Variants in NACC2 observed in about 807,000 individuals in gnomAD.
NACC2 encodes nucleus accumbens-associated protein 2.
A neutral mutation model predicts 25.1 loss-of-function variants in NACC2; 8 were observed. The ratio of observed to expected loss-of-function variants is 0.32; its 90% CI spans 0.19 to 0.57. The LOEUF (loss-of-function observed/expected upper bound fraction) is 0.57, where lower values mean the gene tolerates loss of function less well. Among genes scored for constraint, NACC2 ranks in the 20% least tolerant of loss-of-function variants. NACC2 has a pLI of 0.89. For missense variants in NACC2, 644 were observed against 650.2 expected (o/e 0.99, Z 0.10); for synonymous variants, 435 against 294.7 (o/e 1.48, Z -4.88).
intron 2 of NACC2, among the ~76,000 whole-genome samples, chr9:136,029,827 C>T (rs148114627): frequency 6.6e-6 from 1 of 152,292 alleles, no homozygotes; most frequent in Non-Finnish European, 1.5e-5. Flanking sequence ...AGCTTGCTCG[C>T]TCACACACCC....
At chr9:136,057,855 C>T (rs927684982) in intron 1 of NACC2, among the ~76,000 whole-genome samples, 11 of 152,190 alleles carry the variant, frequency 7.2e-5, no homozygotes, top group Non-Finnish European at 1.3e-4. Context: ...TCCCAGGCAC[C>T]GACAGTCAGA....
chr9:136,067,178 C>T (rs140213572), intron 1 of NACC2, among the ~76,000 whole-genome samples: 155 of 151,412 alleles, frequency 1.0e-3, no homozygotes, highest in African/African-American at 3.2e-3. Flanking sequence ...CGCTTGAACC[C>T]GGGAGGCGGA....
At chr9:136,017,149 C>A (rs1840215735) in intron 2 of NACC2, among the ~76,000 whole-genome samples, 2 of 152,186 alleles carry the variant, frequency 1.3e-5, no homozygotes, top group South Asian at 4.1e-4. Flanking sequence ...GGGCAGCCCT[C>A]CTGCTGTCTG....
chr9:136,043,189 G>A (rs924850920), intron 2 of NACC2, among the ~76,000 whole-genome samples: 10 of 152,188 alleles, frequency 6.6e-5, no homozygotes, highest in Non-Finnish European at 1.2e-4. Context: ...ATAATGAAAA[G>A]GCAGGTCAGA....
In NACC2 at chr9:136,013,098, C is replaced by T; in HGVS notation, c.1255+101G>A. 3.2e-6 allele frequency: 3 copies of T among 937,164 alleles called. No individual in the cohort carries two copies. Among genetic ancestry groups the T allele is most frequent in the Non-Finnish European group, 4.9e-6 (3 of 611,358 alleles). 58.1% of individuals were successfully genotyped at this position (937,164 alleles called of 1,614,324 possible). A position where few individuals can be genotyped will look rare whatever the true frequency, so the allele number is the denominator to read the frequency against. ...GCTCGGCCCCCAGGGACGGAAGCTGCAGGTGGCCGGGAGCACCCCCGCGGC... is the reference window on the plus strand; with the variant it reads ...GCTCGGCCCCCAGGGACGGAAGCTGTAGGTGGCCGGGAGCACCCCCGCGGC... On this transcript the variant is annotated intron_variant, in intron 5 of 5. Coordinates refer to ENST00000277554, the MANE Select transcript of NACC2 (RefSeq NM_144653.5). The surrounding 1 kb of genome is among the most constrained non-coding windows in gnomAD (Gnocchi z 6.6).
rs916155893 is a variant in NACC2 at position 136,006,654 on chromosome 9, C to G, written c.*4862G>C. 1.3e-5 allele frequency: 2 copies of G among 152,206 alleles called. No homozygotes were observed. Among genetic ancestry groups the G allele is most frequent in the African/African-American group, 2.4e-5 (1 of 41,448 alleles). The allele number at this position is 152,206 out of a possible 1,614,324, so 9.4% of individuals were successfully genotyped here. A position where few individuals can be genotyped will look rare whatever the true frequency, so the allele number is the denominator to read the frequency against. On this transcript the variant is annotated 3_prime_UTR_variant, in exon 6 of 6. Transcript: ENST00000277554. The stretch of plus-strand genomic sequence containing the variant: ...CCACTGTCTGAAACGGCTCTGAGCA[C>G]GCTTGAAGCCCTCGGTTTCCCTGTT...
intron 2 of NACC2, among the ~76,000 whole-genome samples, chr9:136,030,406 G>A (rs907736445): frequency 1.3e-5 from 2 of 151,946 alleles, no homozygotes; most frequent in Non-Finnish European, 2.9e-5. Flanking sequence ...TCAGGAGATC[G>A]AGACCATCCC....
chr9:136,010,185 C>A lies in NACC2; in HGVS notation c.*1331G>T. The A allele has an allele frequency of 6.6e-6, 1 of 152,592 alleles. No homozygotes were observed. The highest frequency in any genetic ancestry group is 1.5e-5 in the Non-Finnish European group (1 of 68,218). The allele number at this position is 152,592 out of a possible 1,614,324, so 9.5% of individuals were successfully genotyped here. On this transcript the variant is annotated 3_prime_UTR_variant, in exon 6 of 6. Coordinates refer to ENST00000277554, the MANE Select transcript of NACC2 (RefSeq NM_144653.5). The surrounding 1 kb of genome is among the most constrained non-coding windows in gnomAD (Gnocchi z 4.9). The stretch of plus-strand genomic sequence containing the variant: ...GGGCCCTTCCTCCACTGTCCCTGGC[C>A]CCCCAACATGATCCCTAACCCTCTG...
Position 136,020,208 on chromosome 9 carries a change from G to C in NACC2, c.887-3779C>G, listed in dbSNP as rs1840270301. 6.6e-6 allele frequency among the ~76,000 whole-genome samples: 1 copy of C among 152,210 alleles called. No individual in the cohort carries two copies. The highest frequency in any genetic ancestry group is 1.5e-5 in the Non-Finnish European group (1 of 68,030). The stretch of plus-strand genomic sequence containing the variant: ...AGAAAGAACAAATGAACGAACGTCA[G>C]AAGGAGGGGGCCATGCAGGTCTGGA... On this transcript the variant is annotated intron_variant, in intron 2 of 5. Transcript: ENST00000277554. The surrounding 1 kb of genome is among the most constrained non-coding windows in gnomAD (Gnocchi z 4.7).
At position 136,077,036 on chromosome 9, in the gene NACC2, C is replaced by T. The variant is rs187425394; in HGVS notation, c.-60+18153G>A. On this transcript the variant is annotated intron_variant, in intron 1 of 5. Coordinates refer to ENST00000277554, the MANE Select transcript of NACC2 (RefSeq NM_144653.5). Reference sequence around the variant, plus strand: ...TAAATAAATAAATAAATAAAATAGCCGGGTGTGGTGGCGGGCGCCTGTAGT... The same window carrying T: ...TAAATAAATAAATAAATAAAATAGCTGGGTGTGGTGGCGGGCGCCTGTAGT... 3.5e-3 allele frequency among the ~76,000 whole-genome samples: 528 copies of T among 149,994 alleles called. 2 individuals are homozygous for T. The highest frequency in any genetic ancestry group is 0.012 in the African/African-American group (489 of 40,338).
intron 2 of NACC2, among the ~76,000 whole-genome samples, chr9:136,041,724 T>C (rs1030341312): frequency 6.6e-6 from 1 of 152,218 alleles, no homozygotes; most frequent in African/African-American, 2.4e-5. Flanking sequence ...CACTGGATTA[T>C]TACTTTAAAC....
rs919192857 is a variant in NACC2, at chr9:136,066,825, G to A, written c.-59-16245C>T. ...TAGGAATGAAGTACTGGGAGAGCAC[G>A]GATGAGCGCTACGCTAAGCGAAACA... On this transcript the variant is annotated intron_variant, in intron 1 of 5. Coordinates refer to ENST00000277554, the MANE Select transcript of NACC2 (RefSeq NM_144653.5). Among the ~76,000 whole-genome samples, 7 of 152,094 alleles carry A rather than the reference G, an allele frequency of 4.6e-5. No homozygotes were observed. The East Asian group carries it at 1.2e-3, about 25-fold the overall frequency.
rs2131138213 is a variant in NACC2 at position 136,020,745 on chromosome 9, G to A, written c.887-4316C>T. 6.6e-6 allele frequency among the ~76,000 whole-genome samples: 1 copy of A among 152,250 alleles called. No individual in the cohort carries two copies. The highest frequency in any genetic ancestry group is 2.1e-4 in the South Asian group (1 of 4,822). ...TGAAGCCTGCATGGTTCAGGGAAGTGGACAGACAGGTCAATGGCACAGAAT... is the reference window on the plus strand; with the variant it reads ...TGAAGCCTGCATGGTTCAGGGAAGTAGACAGACAGGTCAATGGCACAGAAT... On this transcript the variant is annotated intron_variant, in intron 2 of 5. Transcript: ENST00000277554. This position sits in a 1 kb window ranked among gnomAD's most constrained non-coding sequence, Gnocchi z 4.7.
In NACC2 at chr9:136,007,216, C is replaced by A. The variant is rs951063687; in HGVS notation, c.*4300G>T. On this transcript the variant is annotated 3_prime_UTR_variant, in exon 6 of 6. Transcript: ENST00000277554. ...GCCGGTCGTCCAGTCTGAATGCTTG[C>A]GATTCTGCATGATTTTCCTTTCCTT... 2 of 154,418 alleles carry A rather than the reference C, an allele frequency of 1.3e-5. No individual in the cohort carries two copies. The highest frequency in any genetic ancestry group is 4.8e-5 in the African/African-American group (2 of 41,534). 9.6% of individuals were successfully genotyped at this position (154,418 alleles called of 1,614,324 possible). A position where few individuals can be genotyped will look rare whatever the true frequency, so the allele number is the denominator to read the frequency against.
intron 1 of NACC2, among the ~76,000 whole-genome samples, chr9:136,075,644 C>G (rs1186069118): frequency 1.3e-5 from 2 of 152,244 alleles, no homozygotes; most frequent in Non-Finnish European, 2.9e-5. Context: ...GCAGGGCCCC[C>G]TCAGGAAACC....
intron 1 of NACC2, among the ~76,000 whole-genome samples, chr9:136,050,825 G>C (rs1227611800): frequency 6.6e-6 from 1 of 152,188 alleles, no homozygotes; most frequent in African/African-American, 2.4e-5. Context: ...CTGCCCGGCA[G>C]GAGTGCGCCC....
intron 1 of NACC2, among the ~76,000 whole-genome samples, chr9:136,094,947 C>T (rs1830473430): frequency 6.8e-6 from 1 of 146,780 alleles, no homozygotes; most frequent in African/African-American, 2.5e-5. Context: ...GCGGGCGCCT[C>T]CGCCGGGACC....
At chr9:136,024,537 AGT>A (rs966590438) in intron 2 of NACC2, among the ~76,000 whole-genome samples, 13 of 77,386 alleles carry the variant, frequency 1.7e-4, no homozygotes, top group Non-Finnish European at 2.7e-4. Flanking sequence ...GTGTGTGGAC[AGT>A]GTGTGTGAGG....
chr9:136,048,210 G>T (rs1840758212), intron 2 of NACC2, among the ~76,000 whole-genome samples: 1 of 152,180 alleles, frequency 6.6e-6, no homozygotes, highest in East Asian at 1.9e-4. Flanking sequence ...TCCCAACAGG[G>T]GCCCTGGGTG....
Sources: gnomAD v4.1 joint callset for allele counts (sites outside exome capture counted in the v4.1 genomes callset) on GRCh38, gnomAD v4.1.1 for gene constraint, Gnocchi (gnomAD v3.1) non-coding constraint, MANE v1.5 for transcripts, NCBI Gene and HGNC (gene_info 2026-07-23, HGNC 2026-07-21) for gene names.